Variants in RAD51B observed in about 807,000 individuals in gnomAD.
The protein encoded by RAD51B is RAD51 paralog B.
A neutral mutation model predicts 42.2 loss-of-function variants in RAD51B; 38 were observed. The ratio of observed to expected loss-of-function variants is 0.90; its 90% CI spans 0.70 to 1.18. The LOEUF is 1.18. Among genes scored for constraint, RAD51B ranks in the 50% most tolerant of loss-of-function variants. RAD51B has a pLI of 0.00. For synonymous variants in RAD51B, 154 were observed against 145.2 expected, an observed-to-expected ratio of 1.06 and a Z score of -0.43; for missense variants, 373 against 400.7, an observed-to-expected ratio of 0.93 and a Z score of 0.59.
chr14:67,914,304 C>T (rs1038590272), intron 7 of RAD51B, among the ~76,000 whole-genome samples: 4 of 152,066 alleles, frequency 2.6e-5, no homozygotes, highest in African/African-American at 9.7e-5. Context: ...TTTTTAGCTC[C>T]CATAAATAAG....
chr14:68,195,549 C>A (rs942563552), intron 7 of RAD51B, among the ~76,000 whole-genome samples: 1 of 152,104 alleles, frequency 6.6e-6, no homozygotes, highest in Non-Finnish European at 1.5e-5. Flanking sequence ...TAAGTAAATC[C>A]AAAATCAAAG....
At chr14:68,056,855 G>T (rs1437012138) in intron 7 of RAD51B, among the ~76,000 whole-genome samples, 3 of 151,960 alleles carry the variant, frequency 2.0e-5, no homozygotes, top group Non-Finnish European at 2.9e-5. Context: ...GAGGCGGGTG[G>T]ATCACCTGAG....
chr14:67,862,318 G>T (rs1156448014), intron 4 of RAD51B, among the ~76,000 whole-genome samples: 5 of 151,632 alleles, frequency 3.3e-5, no homozygotes, highest in African/African-American at 9.7e-5. Flanking sequence ...ATATCTGGTG[G>T]CAAATGAGTA....
intron 10 of RAD51B, chr14:68,563,737 G>C (rs1408859079): frequency 6.1e-6 from 6 of 985,272 alleles, no homozygotes; most frequent in Non-Finnish European, 7.2e-6. Flanking sequence ...AAGAGGGAGA[G>C]GTGGTGGGGA....
chr14:68,118,922 G>A (rs1484612191), intron 7 of RAD51B, among the ~76,000 whole-genome samples: 1 of 151,928 alleles, frequency 6.6e-6, no homozygotes, highest in African/African-American at 2.4e-5. Context: ...TCAGATGCTT[G>A]TGAACACTTC....
intron 10 of RAD51B, among the ~76,000 whole-genome samples, chr14:68,493,777 A>G (rs1884274351): frequency 6.6e-6 from 1 of 152,168 alleles, no homozygotes; most frequent in Non-Finnish European, 1.5e-5. Flanking sequence ...TCTCTTGGGA[A>G]TTTTGGAGTT....
At chr14:68,082,917 A>T (rs1435915089) in intron 7 of RAD51B, among the ~76,000 whole-genome samples, 1 of 152,168 alleles carries the variant, frequency 6.6e-6, no homozygotes, top group Non-Finnish European at 1.5e-5. Flanking sequence ...ACATATGCAC[A>T]CTGCTGAACT....
chr14:68,592,332 A>T lies in RAD51B; in HGVS notation c.1037-2153A>T, dbSNP rs1257414921. Among the ~76,000 whole-genome samples, 3 of 151,794 alleles carry T rather than the reference A, an allele frequency of 2.0e-5. No individual in the cohort carries two copies. In the East Asian group the frequency reaches 5.8e-4, roughly 29 times the overall value. ...GGAGTCTGTCACAGGAAAAATACTG[A>T]GTGGCCCCAAATGTTGTAAGCGTAT... is the stretch of plus-strand genomic sequence containing the variant. On this transcript the variant is annotated intron_variant, in intron 10 of 10. Coordinates refer to the RAD51B transcript ENST00000487270.
At chr14:68,480,166 G>T (rs369568806), downstream of RAD51B, among the ~76,000 whole-genome samples, 3 of 152,030 alleles carry the variant, frequency 2.0e-5, no homozygotes, top group East Asian at 3.9e-4. Flanking sequence ...CCTGCCTCCC[G>T]GGTTCAAGCA....
At chr14:68,292,759 G>A (rs2081539768) in intron 8 of RAD51B, among the ~76,000 whole-genome samples, 1 of 152,202 alleles carries the variant, frequency 6.6e-6, no homozygotes, top group African/African-American at 2.4e-5. Flanking sequence ...CTGCCCAGGT[G>A]ATCTTCTGCA....
intron 7 of RAD51B, among the ~76,000 whole-genome samples, chr14:68,008,133 G>T: frequency 6.6e-6 from 1 of 151,530 alleles, no homozygotes; most frequent in Non-Finnish European, 1.5e-5. Flanking sequence ...TTTACTTCTT[G>T]GAATTTTTTC....
intron 7 of RAD51B, among the ~76,000 whole-genome samples, chr14:68,228,099 T>TACC (rs2080077775): frequency 6.6e-6 from 1 of 152,194 alleles, no homozygotes; most frequent in African/African-American, 2.4e-5. Flanking sequence ...GTAAATAAAT[T>TACC]GTCCAAGATT....
intron 8 of RAD51B, among the ~76,000 whole-genome samples, chr14:68,380,379 T>C (rs1302818668): frequency 2.6e-5 from 4 of 152,212 alleles, no homozygotes; most frequent in Non-Finnish European, 5.9e-5. Flanking sequence ...GGTCTCAGAA[T>C]GACATCTCAC....
At chr14:68,121,223 T>C (rs574510349) in intron 7 of RAD51B, among the ~76,000 whole-genome samples, 2 of 152,332 alleles carry the variant, frequency 1.3e-5, no homozygotes, top group South Asian at 4.1e-4. Context: ...ATTTTACATA[T>C]ATTATTTCTA....
chr14:68,102,210 G>A (rs1352127831), intron 7 of RAD51B, among the ~76,000 whole-genome samples: 2 of 152,182 alleles, frequency 1.3e-5, no homozygotes, highest in Admixed American at 1.3e-4. Context: ...GATGGGTGGG[G>A]CTGCCATGAA....
exon 11 of RAD51B, chr14:68,611,369 G>A: frequency 9.4e-6 from 6 of 638,640 alleles, no homozygotes; most frequent in South Asian, 7.2e-5. Context: ...AGGATGTCAT[G>A]GTTTTACAAT....
At chr14:68,463,744 A>C (rs2085905853) in intron 9 of RAD51B, among the ~76,000 whole-genome samples, 1 of 152,216 alleles carries the variant, frequency 6.6e-6, no homozygotes, top group Admixed American at 6.5e-5. Flanking sequence ...TGATGTTTGC[A>C]TTGAAGTGTT....
intron 7 of RAD51B, among the ~76,000 whole-genome samples, chr14:68,175,864 T>C (rs2078953211): frequency 6.6e-6 from 1 of 152,208 alleles, no homozygotes; most frequent in East Asian, 1.9e-4. Context: ...CAGTAAAGTC[T>C]GACAGTTCCA....
At chr14:68,309,910 A>G (rs1360644176) in intron 8 of RAD51B, among the ~76,000 whole-genome samples, 3 of 152,240 alleles carry the variant, frequency 2.0e-5, no homozygotes, top group Non-Finnish European at 4.4e-5. Flanking sequence ...AAATTTCAGT[A>G]GAATGTGATG....
Sources: gnomAD v4.1 joint callset for allele counts (sites outside exome capture counted in the v4.1 genomes callset) on GRCh38, gnomAD v4.1.1 for gene constraint, MANE v1.5 for transcripts, NCBI Gene and HGNC (gene_info 2026-07-23, HGNC 2026-07-21) for gene names.